UGT1A10: variants seen among roughly 807,000 people sequenced by gnomAD.
UGT1A10 encodes UDP-glucuronosyltransferase 1A10.
A neutral mutation model predicts 45.8 loss-of-function variants in UGT1A10; 49 were observed. That is an observed-to-expected ratio of 1.07 (90% CI 0.85 to 1.36). UGT1A10 has a LOEUF of 1.36. Among genes scored for constraint, UGT1A10 ranks in the 40% most tolerant of loss-of-function variants. UGT1A10 has a pLI of 0.00. For synonymous variants in UGT1A10, 284 were observed against 249.7 expected, an observed-to-expected ratio of 1.14 and a Z score of -1.29; for missense variants, 745 against 668.6, an observed-to-expected ratio of 1.11 and a Z score of -1.26.
rs536568822 is a variant in UGT1A10 at position 233,693,974 on chromosome 2, C to T, written c.855+56597C>T. ...TCCCTTGGAGGATTTCCTGGAGAAA[C>T]GGTGGGGGGAAGTGATACCCGGCTC... is the stretch of plus-strand genomic sequence containing the variant. On this transcript the variant is annotated intron_variant, in intron 1 of 4. Transcript: ENST00000344644. 146 of 1,566,540 alleles carry T rather than the reference C, an allele frequency of 9.3e-5. No homozygotes were observed. In the East Asian group the frequency reaches 2.5e-3, roughly 26 times the overall value.
intron 1 of UGT1A10, among the ~76,000 whole-genome samples, chr2:233,765,111 G>C (rs1698754315): frequency 6.6e-6 from 1 of 152,118 alleles, no homozygotes; most frequent in Non-Finnish European, 1.5e-5. Context: ...GGCTTCCTCA[G>C]GACTGTTCAG....
chr2:233,658,001 G>T (rs1439256459), intron 1 of UGT1A10, among the ~76,000 whole-genome samples: 1 of 147,382 alleles, frequency 6.8e-6, no homozygotes, highest in Non-Finnish European at 1.5e-5. Flanking sequence ...TTCATATCCT[G>T]TGCCTAGTTT....
chr2:233,753,563 T>C (rs1178575284), intron 1 of UGT1A10: 3 of 152,234 alleles, frequency 2.0e-5, no homozygotes, highest in Non-Finnish European at 2.9e-5. Flanking sequence ...CCCTAGAAGA[T>C]GGGACCCTTT....
At chr2:233,766,898 A>T in intron 1 of UGT1A10, 136 bp from the exon 2 acceptor site, 1 of 1,483,786 alleles carries the variant, frequency 6.7e-7, no homozygotes, top group Non-Finnish European at 8.9e-7. Flanking sequence ...ACATATTAAT[A>T]ATTTTTTACT....
intron 1 of UGT1A10, chr2:233,729,698 C>T: frequency 6.2e-7 from 1 of 1,613,936 alleles, no homozygotes; most frequent in Non-Finnish European, 8.5e-7. Flanking sequence ...CCAAACCCTT[C>T]CTCCTATATT....
At chr2:233,724,731 AG>A (rs1324353802) in intron 1 of UGT1A10, among the ~76,000 whole-genome samples, 1 of 143,714 alleles carries the variant, frequency 7.0e-6, no homozygotes, top group Non-Finnish European at 1.5e-5. Context: ...AGCCAGGCAG[AG>A]GGGCTCCTCA....
chr2:233,745,932 CAGCTGGGGGTT>C (rs1347994151), intron 1 of UGT1A10, among the ~76,000 whole-genome samples: 3 of 151,404 alleles, frequency 2.0e-5, no homozygotes, highest in East Asian at 3.9e-4. Context: ...TCAGAAGGGA[CAGCTGGGGGTT>C]GGGCAACTGG....
At chr2:233,661,563 T>C (rs2073963269) in intron 1 of UGT1A10, among the ~76,000 whole-genome samples, 1 of 152,134 alleles carries the variant, frequency 6.6e-6, no homozygotes, top group Non-Finnish European at 1.5e-5. Flanking sequence ...TAAAAAGATA[T>C]TTTGGAAAAA....
chr2:233,768,011 A>C lies in UGT1A10; in HGVS notation c.1075+75A>C, dbSNP rs1159299269. On this transcript the variant is annotated intron_variant, in intron 3 of 4. Coordinates refer to ENST00000344644, the MANE Select transcript of UGT1A10 (RefSeq NM_019075.4). ...AAATGGCTTAAGCACAGCTATTCTA[A>C]AGGATTGTTGAGCTTGAAAATATTA... 8 of 1,613,860 alleles carry C rather than the reference A, an allele frequency of 5.0e-6. No individual in the cohort carries two copies. In the East Asian group the frequency reaches 1.8e-4, roughly 36 times the overall value.
At chr2:233,743,505 A>G (rs761358710) in intron 1 of UGT1A10, 1 of 1,367,266 alleles carries the variant, frequency 7.3e-7, no homozygotes, top group Non-Finnish European at 9.8e-7. Context: ...AAAGGGGTGC[A>G]GACGCTCTGC....
At position 233,760,222 on chromosome 2, in the gene UGT1A10, T is replaced by G. The variant is rs1346369593; in HGVS notation, c.856-6812T>G. On this transcript the variant is annotated intron_variant, in intron 1 of 4. Coordinates refer to ENST00000344644, the MANE Select transcript of UGT1A10 (RefSeq NM_019075.4). The stretch of plus-strand genomic sequence containing the variant: ...GTCAAACATTAACTTGGTGTATCGA[T>G]TGGTTTTTGCCATATATATATATAT... The G allele has an allele frequency of 2.5e-6, 4 of 1,591,036 alleles. No individual in the cohort carries two copies. The South Asian group carries it at 3.4e-5, about 13-fold the overall frequency.
chr2:233,762,997 ATCATT>A (rs1212266483), intron 1 of UGT1A10, among the ~76,000 whole-genome samples: 2 of 152,206 alleles, frequency 1.3e-5, no homozygotes, highest in African/African-American at 4.8e-5. Context: ...GAAATTGATT[ATCATT>A]TCATTATTTT....
intron 1 of UGT1A10, among the ~76,000 whole-genome samples, chr2:233,714,471 G>A (rs4663945): frequency 0.089 from 13,512 of 152,132 alleles, 752 homozygotes; most frequent in East Asian, 0.2. Flanking sequence ...ATTGTAATAG[G>A]AGAATGTTTC....
At chr2:233,716,140 C>CT (rs1193699250) in intron 1 of UGT1A10, among the ~76,000 whole-genome samples, 1 of 152,160 alleles carries the variant, frequency 6.6e-6, no homozygotes, top group African/African-American at 2.4e-5. Flanking sequence ...TTCCATGGCC[C>CT]TTTTCCATTT....
chr2:233,671,693 GC>G (rs1305532679), intron 1 of UGT1A10, among the ~76,000 whole-genome samples: 4 of 152,308 alleles, frequency 2.6e-5, no homozygotes, highest in Non-Finnish European at 5.9e-5. Flanking sequence ...GGCATGTTCT[GC>G]CCCCAAGGCA....
At chr2:233,648,455 AT>A (rs139777693) in intron 1 of UGT1A10, 1 of 156,648 alleles carries the variant, frequency 6.4e-6, no homozygotes, top group Non-Finnish European at 1.4e-5. Context: ...TATTATTATT[AT>A]TTTTATTTAT....
chr2:233,647,482 G>A (rs2073635129), intron 1 of UGT1A10, among the ~76,000 whole-genome samples: 1 of 152,106 alleles, frequency 6.6e-6, no homozygotes, highest in African/African-American at 2.4e-5. Flanking sequence ...TTCAGTGTTT[G>A]GTAGAATTTA....
chr2:233,760,809 A>G (rs1407366507), intron 1 of UGT1A10: 1 of 1,613,186 alleles, frequency 6.2e-7, no homozygotes, highest in South Asian at 1.1e-5. Flanking sequence ...TCTTGCATGC[A>G]CTGCCATGCA....
At chr2:233,689,028 GA>G in intron 1 of UGT1A10, among the ~76,000 whole-genome samples, 1 of 152,198 alleles carries the variant, frequency 6.6e-6, no homozygotes, top group Non-Finnish European at 1.5e-5. Flanking sequence ...TGGCCAAGTG[GA>G]AATCCTACTT....
Sources: allele counts gnomAD v4.1 joint callset (sites outside exome capture counted in the v4.1 genomes callset), GRCh38; gene constraint gnomAD v4.1.1; transcripts MANE v1.5; gene names NCBI Gene and HGNC (gene_info 2026-07-23, HGNC 2026-07-21).